Variants in CELF1 observed in about 807,000 individuals in gnomAD.
CELF1 encodes the protein 50 kDa nuclear polyadenylated RNA-binding protein.
In CELF1, 10 loss-of-function variants were observed where a neutral mutation model predicts 61.8. The observed-to-expected ratio is 0.16, with a 90% confidence interval of 0.10 to 0.27. The LOEUF (loss-of-function observed/expected upper bound fraction) is 0.27. Ranked by LOEUF, CELF1 falls within the 10% of genes least tolerant of loss-of-function variation. CELF1 has a pLI of 1.00. For synonymous variants in CELF1, 236 were observed against 225.1 expected, an observed-to-expected ratio of 1.05 and a Z score of -0.43; for missense variants, 380 against 639.1, an observed-to-expected ratio of 0.59 and a Z score of 4.37.
rs550247867 is a variant in CELF1 at position 47,550,179 on chromosome 11, C to T, written c.-154+2813G>A. 6.6e-5 allele frequency among the ~76,000 whole-genome samples: 10 copies of T among 151,892 alleles called. No individual in the cohort carries two copies. The East Asian group carries it at 1.2e-3, about 18-fold the overall frequency. On this transcript the variant is annotated intron_variant, in intron 1 of 14. Transcript: ENST00000687097. ...GGCTCAGTGGCTCACATCTGTAATC[C>T]GAAGTTCAAAACCAGCCTGGGCAAA... is the stretch of plus-strand genomic sequence containing the variant.
At chr11:47,518,788 A>G (rs2095694598) in intron 1 of CELF1, among the ~76,000 whole-genome samples, 1 of 152,080 alleles carries the variant, frequency 6.6e-6, no homozygotes, top group Non-Finnish European at 1.5e-5. Context: ...CACACAACAT[A>G]CAACAGTCTT....
intron 11 of CELF1, 45 bp from the exon 12 acceptor site, chr11:47,477,004 C>T: frequency 1.4e-6 from 2 of 1,480,752 alleles, no homozygotes; most frequent in Non-Finnish European, 1.9e-6. Context: ...CACTGGCATT[C>T]TCGCCAAATA....
At chr11:47,502,640 G>A (rs1393474533) in intron 1 of CELF1, among the ~76,000 whole-genome samples, 1 of 152,082 alleles carries the variant, frequency 6.6e-6, no homozygotes, top group Non-Finnish European at 1.5e-5. Flanking sequence ...AGACCATCCT[G>A]GCTAACACGG....
At chr11:47,509,683 G>A (rs1288977727) in intron 1 of CELF1, among the ~76,000 whole-genome samples, 1 of 152,126 alleles carries the variant, frequency 6.6e-6, no homozygotes, top group African/African-American at 2.4e-5. Flanking sequence ...TTAAGGCCAG[G>A]AGTTCCAGAC....
intron 1 of CELF1, among the ~76,000 whole-genome samples, chr11:47,546,077 A>AT (rs2096938380): frequency 6.6e-6 from 1 of 150,768 alleles, no homozygotes; most frequent in South Asian, 2.1e-4. Context: ...TGCCCAGCTA[A>AT]TTTTTTGTAT....
chr11:47,490,227 C>G (rs1334716172), intron 3 of CELF1, among the ~76,000 whole-genome samples: 1 of 151,736 alleles, frequency 6.6e-6, no homozygotes, highest in South Asian at 2.1e-4. Context: ...TGAGCCACCA[C>G]GCCTGGCCTC....
At chr11:47,487,676 C>T (rs1473861877) in intron 4 of CELF1, among the ~76,000 whole-genome samples, 2 of 152,314 alleles carry the variant, frequency 1.3e-5, no homozygotes, top group Non-Finnish European at 2.9e-5. Flanking sequence ...CTCCCTACTT[C>T]GTAGCCAGAT....
At position 47,466,870 on chromosome 11, in the gene CELF1, A is replaced by G. The variant is rs2076759285; in HGVS notation, c.*5360T>C. The G allele has an allele frequency of 6.6e-6, 1 of 152,242 alleles. No individual in the cohort carries two copies. The highest frequency in any genetic ancestry group is 2.1e-4 in the South Asian group (1 of 4,824). 9.4% of individuals were successfully genotyped at this position (152,242 alleles called of 1,614,324 possible). ...GCAGTCAGACTGTGGGGTGCACAGC[A>G]GTCTCTCAGGCTGGGGTTTCTGGCC... On this transcript the variant is annotated 3_prime_UTR_variant, in exon 15 of 15. Transcript: ENST00000687097.
intron 6 of CELF1, among the ~76,000 whole-genome samples, chr11:47,485,160 T>C (rs1463765830): frequency 2.6e-5 from 4 of 152,230 alleles, no homozygotes; most frequent in Middle Eastern, 3.2e-3. Context: ...TGTGAAGTAC[T>C]TGGCATCTTC....
At chr11:47,510,610 C>T (rs1215646874) in intron 1 of CELF1, among the ~76,000 whole-genome samples, 1 of 152,122 alleles carries the variant, frequency 6.6e-6, no homozygotes, top group Non-Finnish European at 1.5e-5. Flanking sequence ...CCACGGCTTC[C>T]CAAGTAGCTT....
intron 3 of CELF1, among the ~76,000 whole-genome samples, chr11:47,497,879 C>T (rs184701210): frequency 2.6e-3 from 403 of 152,262 alleles, no homozygotes; most frequent in Non-Finnish European, 3.5e-3. Context: ...GAGAAGAATG[C>T]TGTGTCAATG....
upstream of CELF1, among the ~76,000 whole-genome samples, chr11:47,555,185 G>C (rs1983340): frequency 1 from 151,560 of 152,312 alleles, 75,412 homozygotes; most frequent in Middle Eastern, 1. Flanking sequence ...ACAAAATGTT[G>C]CGCCTTTAGA....
intron 10 of CELF1, chr11:47,477,744 A>C: frequency 3.8e-6 from 1 of 264,886 alleles, no homozygotes; most frequent in Non-Finnish European, 7.5e-6. Flanking sequence ...ACAATGCCAA[A>C]ACCTACAGCA....
chr11:47,540,087 G>A (rs796616987), intron 1 of CELF1, among the ~76,000 whole-genome samples: 2 of 152,210 alleles, frequency 1.3e-5, no homozygotes, highest in South Asian at 2.1e-4. Context: ...GGTATAATTA[G>A]AGTAGGGACT....
chr11:47,512,321 T>G (rs1181479421), intron 1 of CELF1, among the ~76,000 whole-genome samples: 1 of 152,024 alleles, frequency 6.6e-6, no homozygotes, highest in Non-Finnish European at 1.5e-5. Flanking sequence ...CCTGGCTAAT[T>G]TTTTTGTATT....
At chr11:47,534,390 T>C (rs1196921888) in intron 1 of CELF1, among the ~76,000 whole-genome samples, 1 of 151,154 alleles carries the variant, frequency 6.6e-6, no homozygotes, top group Non-Finnish European at 1.5e-5. Flanking sequence ...AATCTCAGCT[T>C]CTCTACACAA....
intron 9 of CELF1, among the ~76,000 whole-genome samples, chr11:47,482,207 A>AAAATAAATAAATAAAT (rs55860292): frequency 1.3e-5 from 2 of 150,196 alleles, no homozygotes; most frequent in African/African-American, 4.9e-5. Context: ...TCCGTCTCAA[A>AAAATAAATAAATAAAT]AAATAAATAA....
chr11:47,494,605 CA>C (rs766312089), intron 3 of CELF1: 40 of 440,716 alleles, frequency 9.1e-5, no homozygotes, highest in Middle Eastern at 1.1e-3. Context: ...AGGCCTATCT[CA>C]GGGGCAGCAC....
In CELF1 at chr11:47,499,388, A is replaced by G; in HGVS notation, c.71+65T>C. On this transcript the variant is annotated intron_variant, in intron 3 of 14. Transcript: ENST00000687097. ...CTTCTTAAAAAAAGGAACCAATTTCATCAAATAAAGAAAACAGCCCAGTTC... is the reference window on the plus strand; with the variant it reads ...CTTCTTAAAAAAAGGAACCAATTTCGTCAAATAAAGAAAACAGCCCAGTTC... The G allele has an allele frequency of 2.3e-6, 3 of 1,304,880 alleles. No individual in the cohort carries two copies. The Admixed American group carries it at 6.9e-5, about 30-fold the overall frequency. 80.8% of individuals were successfully genotyped at this position (1,304,880 alleles called of 1,614,324 possible).
Sources: gnomAD v4.1 joint callset for allele counts (sites outside exome capture counted in the v4.1 genomes callset) on GRCh38, gnomAD v4.1.1 for gene constraint, MANE v1.5 for transcripts, NCBI Gene and HGNC (gene_info 2026-07-23, HGNC 2026-07-21) for gene names.